The following ANK2 variants were observed in gnomAD, a reference collection of about 807,000 sequenced individuals.
The protein encoded by ANK2 is ankyrin-2.
Under a neutral mutation model 360.5 loss-of-function variants are expected in ANK2, and 83 were observed. The observed-to-expected ratio is 0.23, with a 90% CI of 0.19 to 0.28. ANK2 has a LOEUF of 0.28. Among genes scored for constraint, ANK2 ranks in the 10% least tolerant of loss-of-function variants. The pLI, the probability that ANK2 is intolerant of heterozygous loss-of-function variation, is 1.00. For synonymous variants in ANK2, 1,740 were observed against 1,759.5 expected (o/e 0.99, Z 0.28); for missense variants, 4,201 against 4,795.7 (o/e 0.88, Z 3.66).
chr4:112,899,120 T>C (rs1368789789), intron 1 of ANK2, among the ~76,000 whole-genome samples: 1 of 152,200 alleles, frequency 6.6e-6, no homozygotes, highest in East Asian at 1.9e-4. Flanking sequence ...TGTAGTCTCA[T>C]TGTTTTTATT....
At chr4:112,976,041 A>T (rs967799309) in intron 2 of ANK2, among the ~76,000 whole-genome samples, 3 of 151,302 alleles carry the variant, frequency 2.0e-5, no homozygotes, top group African/African-American at 7.3e-5. Context: ...ATGCTCTGAC[A>T]TTTTTTTTCA....
chr4:112,895,318 A>T (rs1179128559), intron 1 of ANK2, among the ~76,000 whole-genome samples: 2 of 152,178 alleles, frequency 1.3e-5, no homozygotes, highest in Non-Finnish European at 2.9e-5. Context: ...AACTTGATAC[A>T]CTCACCATAA....
the ANK2 span, among the ~76,000 whole-genome samples, chr4:112,810,149 ATATATATATATTTT>A: frequency 3.3e-4 from 10 of 30,338 alleles, no homozygotes; most frequent in African/African-American, 9.1e-4. Context: ...ATATATATAT[ATATATATATATTTT>A]TTTTTTTTTT....
intron 1 of ANK2, among the ~76,000 whole-genome samples, chr4:112,831,806 C>T (rs6533655): frequency 0.58 from 88,327 of 151,574 alleles, 26,644 homozygotes; most frequent in East Asian, 0.93. Flanking sequence ...CTGAAGCCAG[C>T]GAGACCACGA....
chr4:113,049,552 T>A, upstream of ANK2: 1 of 1,264,180 alleles, frequency 7.9e-7, no homozygotes, highest in Non-Finnish European at 1.1e-6. Context: ...TGCAGTCAGA[T>A]AAACAGTTGT....
chr4:112,745,037 G>GT, the ANK2 span, among the ~76,000 whole-genome samples: 1 of 152,148 alleles, frequency 6.6e-6, no homozygotes, highest in African/African-American at 2.4e-5. Context: ...TGATCAAGTA[G>GT]TTTTTTCTCA....
chr4:113,237,322 A>AAGGG (rs1361883487), intron 6 of ANK2, 150 bp downstream of exon 6: 6 of 1,051,472 alleles, frequency 5.7e-6, no homozygotes, highest in Non-Finnish European at 8.4e-6. Flanking sequence ...TTTCAGAAAG[A>AAGGG]AGGGGACCAT....
intron 2 of ANK2, among the ~76,000 whole-genome samples, chr4:112,968,062 G>A (rs539431296): frequency 2.4e-4 from 36 of 152,082 alleles, no homozygotes; most frequent in Admixed American, 2.2e-3. Flanking sequence ...TTTATTCCAG[G>A]GAGATTTGCC....
the ANK2 span, among the ~76,000 whole-genome samples, chr4:112,804,570 C>T: frequency 6.6e-6 from 1 of 151,958 alleles, no homozygotes; most frequent in East Asian, 1.9e-4. Context: ...TTATAGAATG[C>T]CAGAAGATAT....
At chr4:112,887,647 A>T (rs543506936) in intron 1 of ANK2, among the ~76,000 whole-genome samples, 3 of 152,310 alleles carry the variant, frequency 2.0e-5, no homozygotes, top group African/African-American at 7.2e-5. Flanking sequence ...TGAAAAATCC[A>T]TCTTAATGTT....
At chr4:113,264,746 C>G in intron 13 of ANK2, 151 bp from the exon 14 acceptor site, 1 of 683,348 alleles carries the variant, frequency 1.5e-6, no homozygotes. Context: ...AGATACAAAT[C>G]TATATTTTCC....
chr4:112,788,962 G>A, the ANK2 span: 1 of 568,558 alleles, frequency 1.8e-6, no homozygotes, highest in East Asian at 2.8e-5. Flanking sequence ...CTCTCTGAGG[G>A]CAGGAACCAT....
At chr4:112,969,875 G>A (rs373422710) in intron 2 of ANK2, among the ~76,000 whole-genome samples, 1 of 152,152 alleles carries the variant, frequency 6.6e-6, no homozygotes, top group East Asian at 1.9e-4. Context: ...AGTCTCACTA[G>A]TGAAAAGCAT....
At chr4:112,813,533 T>TA (rs976453010), upstream of ANK2, among the ~76,000 whole-genome samples, 9 of 138,110 alleles carry the variant, frequency 6.5e-5, no homozygotes, top group Admixed American at 1.4e-4. Context: ...TATATTATAT[T>TA]TATTTATTTA....
intron 1 of ANK2, among the ~76,000 whole-genome samples, chr4:112,856,773 T>C (rs2066527480): frequency 6.6e-6 from 1 of 152,242 alleles, no homozygotes; most frequent in South Asian, 2.1e-4. Context: ...AGATACTTGC[T>C]AGAATGGTAA....
chr4:113,104,619 G>C (rs1342537509), intron 1 of ANK2, among the ~76,000 whole-genome samples: 1 of 152,192 alleles, frequency 6.6e-6, no homozygotes, highest in African/African-American at 2.4e-5. Flanking sequence ...GGAGGCTGAG[G>C]CACGAGAATC....
chr4:112,939,293 ATTCT>A (rs1369346772), intron 2 of ANK2, among the ~76,000 whole-genome samples: 2 of 152,082 alleles, frequency 1.3e-5, no homozygotes, highest in Admixed American at 6.6e-5. Context: ...GGAATAGTTC[ATTCT>A]TTCTTTCTTT....
At chr4:113,054,684 T>C (rs2068727045) in intron 1 of ANK2, among the ~76,000 whole-genome samples, 1 of 152,162 alleles carries the variant, frequency 6.6e-6, no homozygotes, top group Admixed American at 6.6e-5. Flanking sequence ...CTTTATAAAA[T>C]ACCAACTTAT....
intron 36 of ANK2, among the ~76,000 whole-genome samples, chr4:113,349,468 C>T (rs990761365): frequency 3.9e-5 from 6 of 151,972 alleles, no homozygotes; most frequent in Non-Finnish European, 5.9e-5. Context: ...GAAGATGCCC[C>T]GGATTCGTTT....
Sources: gnomAD v4.1 joint callset for allele counts (sites outside exome capture counted in the v4.1 genomes callset) on GRCh38, gnomAD v4.1.1 for gene constraint, MANE v1.5 for transcripts, NCBI Gene and HGNC (gene_info 2026-07-23, HGNC 2026-07-21) for gene names.